Variants in CD226 observed in about 807,000 individuals in gnomAD.
The protein encoded by CD226 is CD226 antigen.
A neutral mutation model predicts 34.9 loss-of-function variants in CD226; 24 were observed. That is an observed-to-expected ratio of 0.69 (90% CI 0.50 to 0.97). CD226 has a LOEUF of 0.97. Among genes scored for constraint, CD226 ranks in the 50% least tolerant of loss-of-function variants. CD226 has a pLI of 0.00. For missense variants in CD226, 397 were observed against 412.7 expected, an observed-to-expected ratio of 0.96 and a Z score of 0.33; for synonymous variants, 148 against 147.4, an observed-to-expected ratio of 1.00 and a Z score of -0.03.
At chr18:69,891,255 A>G (rs1452772676) in intron 3 of CD226, among the ~76,000 whole-genome samples, 2 of 152,088 alleles carry the variant, frequency 1.3e-5, no homozygotes, top group African/African-American at 4.8e-5. Flanking sequence ...AGAGCATAAA[A>G]AGCATTTGAC....
At position 69,860,237 on chromosome 18, in the gene CD226, A is replaced by C. The variant is rs1438329877; in HGVS notation, c.*4077T>G. On this transcript the variant is annotated 3_prime_UTR_variant, in exon 6 of 6. Coordinates refer to ENST00000582621, the MANE Select transcript of CD226 (RefSeq NM_001303618.2). ...TGGCAAATGAAAGTAGTGATCGTGA[A>C]ACATTGTGTTTTATTCATTCAAAAC... 6.6e-6 allele frequency: 1 copy of C among 152,218 alleles called. No homozygotes were observed. The highest frequency in any genetic ancestry group is 2.4e-5 in the African/African-American group (1 of 41,454). 9.4% of individuals were successfully genotyped at this position (152,218 alleles called of 1,614,324 possible).
intron 3 of CD226, among the ~76,000 whole-genome samples, chr18:69,877,927 C>T (rs146432701): frequency 2.0e-5 from 3 of 152,306 alleles, no homozygotes; most frequent in African/African-American, 7.2e-5. Flanking sequence ...CTGTAGCTGA[C>T]ATGGCTTCTC....
chr18:69,957,944 T>C (rs114034741), upstream of CD226, among the ~76,000 whole-genome samples: 757 of 152,342 alleles, frequency 5.0e-3, 5 homozygotes, highest in African/African-American at 0.017. Context: ...ATAAGTCTTC[T>C]GCTCACTCCT....
At chr18:69,936,641 C>T (rs1282372384) in intron 2 of CD226, among the ~76,000 whole-genome samples, 3 of 151,966 alleles carry the variant, frequency 2.0e-5, no homozygotes, top group Non-Finnish European at 4.4e-5. Context: ...TGCATGCATA[C>T]ACACACACAT....
chr18:69,913,543 T>C (rs1039001886), intron 2 of CD226, among the ~76,000 whole-genome samples: 1 of 152,190 alleles, frequency 6.6e-6, no homozygotes, highest in Non-Finnish European at 1.5e-5. Context: ...ATGCATTACA[T>C]GTGAACATTA....
At chr18:69,873,494 A>T (rs1034565465) in intron 3 of CD226, among the ~76,000 whole-genome samples, 7 of 152,108 alleles carry the variant, frequency 4.6e-5, no homozygotes, top group South Asian at 2.1e-4. Context: ...AAAAAAAAAA[A>T]ATATAAAGAG....
intron 4 of CD226, among the ~76,000 whole-genome samples, chr18:69,869,098 A>T (rs977008812): frequency 6.6e-6 from 1 of 152,236 alleles, no homozygotes; most frequent in African/African-American, 2.4e-5. Context: ...CAGTGTGGTG[A>T]TTCCTCAAAA....
At chr18:69,947,878 G>A (rs1238380453), upstream of CD226, 1 of 152,324 alleles carries the variant, frequency 6.6e-6, no homozygotes, top group African/African-American at 2.4e-5. Context: ...CTCACTGAGA[G>A]CATAAGATGA....
chr18:69,930,527 G>A (rs1386296197), intron 2 of CD226, among the ~76,000 whole-genome samples: 1 of 24,188 alleles, frequency 4.1e-5, no homozygotes, highest in African/African-American at 5.0e-5. Context: ...GCCAGTCTAA[G>A]CAACGTGAAC....
intron 3 of CD226, among the ~76,000 whole-genome samples, chr18:69,888,422 T>C (rs1280421977): frequency 2.1e-4 from 31 of 149,020 alleles, no homozygotes; most frequent in African/African-American, 6.9e-4. Flanking sequence ...TTCTCTTTTT[T>C]TTTTTTTTTT....
Position 69,937,889 on chromosome 18 carries a change from A to G in CD226, c.382+8845T>C, listed in dbSNP as rs114286322. Among the ~76,000 whole-genome samples the G allele has an allele frequency of 6.9e-3, 1,058 of 152,306 alleles. 10 individuals are homozygous for G. Among genetic ancestry groups the G allele is most frequent in the African/African-American group, 0.024 (995 of 41,554 alleles). On this transcript the variant is annotated intron_variant, in intron 2 of 5. Transcript: ENST00000582621. ...TGCCATCAATTCTGGAGCCCTTAATATTAAAGGAATCTCTTTAGTGCCACT... is the reference window on the plus strand; with the variant it reads ...TGCCATCAATTCTGGAGCCCTTAATGTTAAAGGAATCTCTTTAGTGCCACT...
At chr18:69,874,358 C>T (rs931682889) in intron 3 of CD226, among the ~76,000 whole-genome samples, 1 of 152,190 alleles carries the variant, frequency 6.6e-6, no homozygotes, top group African/African-American at 2.4e-5. Flanking sequence ...ACCCTTCAAC[C>T]CACAGAGCAT....
intron 1 of CD226, among the ~76,000 whole-genome samples, chr18:69,954,547 C>T (rs943646885): frequency 4.0e-5 from 6 of 151,886 alleles, no homozygotes; most frequent in Non-Finnish European, 8.8e-5. Flanking sequence ...GAGATGAAAC[C>T]TAGCATCATC....
intron 2 of CD226, among the ~76,000 whole-genome samples, chr18:69,939,299 T>C (rs2055694052): frequency 6.6e-6 from 1 of 152,260 alleles, no homozygotes; most frequent in Non-Finnish European, 1.5e-5. Context: ...TATCTATAAA[T>C]AACGTATTGT....
intron 2 of CD226, among the ~76,000 whole-genome samples, chr18:69,917,781 G>A (rs984204210): frequency 1.3e-5 from 2 of 152,086 alleles, no homozygotes; most frequent in Non-Finnish European, 2.9e-5. Context: ...GGACAAGGGG[G>A]GAGTCATTGA....
At chr18:69,912,797 A>G (rs1281366860) in intron 2 of CD226, among the ~76,000 whole-genome samples, 2 of 152,196 alleles carry the variant, frequency 1.3e-5, no homozygotes, top group Non-Finnish European at 2.9e-5. Flanking sequence ...TTATTGTATC[A>G]TTTTATAGAG....
chr18:69,865,023 C>T (rs1279268113), intron 5 of CD226, among the ~76,000 whole-genome samples: 2 of 152,050 alleles, frequency 1.3e-5, no homozygotes, highest in African/African-American at 2.4e-5. Context: ...GTCAGAGTCT[C>T]GCTCTGTTGC....
At chr18:69,960,604 C>G (rs2055925447), upstream of CD226, among the ~76,000 whole-genome samples, 1 of 152,172 alleles carries the variant, frequency 6.6e-6, no homozygotes, top group African/African-American at 2.4e-5. Context: ...CATGCACCAA[C>G]ACGCATGGCT....
In CD226 at chr18:69,854,961, C is replaced by G. The variant is rs1982570001; in HGVS notation, c.*9353G>C. The stretch of plus-strand genomic sequence containing the variant: ...GGGAAAAACACATGAACAAACAAAA[C>G]AAAGACACTAGAGGAATTTGAAGAA... On this transcript the variant is annotated 3_prime_UTR_variant, in exon 6 of 6. Coordinates refer to ENST00000582621, the MANE Select transcript of CD226 (RefSeq NM_001303618.2). The G allele has an allele frequency of 2.0e-5, 3 of 152,208 alleles. No individual in the cohort carries two copies. Among genetic ancestry groups the G allele is most frequent in the Admixed American group, 6.5e-5 (1 of 15,280 alleles). 9.4% of individuals were successfully genotyped at this position (152,208 alleles called of 1,614,324 possible).
Sources: gnomAD v4.1 joint callset for allele counts (sites outside exome capture counted in the v4.1 genomes callset) on GRCh38, gnomAD v4.1.1 for gene constraint, MANE v1.5 for transcripts, NCBI Gene and HGNC (gene_info 2026-07-23, HGNC 2026-07-21) for gene names.